The following DLGAP4 variants were observed in gnomAD, a reference collection of about 807,000 sequenced individuals.
The protein encoded by DLGAP4 is DLG associated protein 4, also known as disks large-associated protein 4.
DLGAP4 carries 18 observed loss-of-function variants against 86.9 expected under a neutral mutation model. The observed-to-expected ratio is 0.21, with a 90% CI of 0.14 to 0.31. The LOEUF (loss-of-function observed/expected upper bound fraction) is 0.31, where lower values mean the gene tolerates loss of function less well. Ranked by LOEUF, DLGAP4 falls within the 10% of genes least tolerant of loss-of-function variation. The pLI is 1.00. For synonymous variants in DLGAP4, 548 were observed against 574.3 expected (o/e 0.95, Z 0.65); for missense variants, 1,085 against 1,362.6 (o/e 0.80, Z 3.21).
chr20:36,328,069 C>T (rs1379849397), intron 1 of DLGAP4, among the ~76,000 whole-genome samples: 1 of 151,682 alleles, frequency 6.6e-6, no homozygotes, highest in African/African-American at 2.4e-5. Flanking sequence ...TGTGGTGGTA[C>T]ACGCCTGTAA....
At chr20:36,524,167 TG>T in intron 10 of DLGAP4, 82 bp from the exon 11 acceptor site, 1 of 1,045,586 alleles carries the variant, frequency 9.6e-7, no homozygotes, top group South Asian at 1.3e-5. Flanking sequence ...TAAGGGAGTG[TG>T]GGAGGAGATT....
intron 7 of DLGAP4, among the ~76,000 whole-genome samples, chr20:36,493,948 C>G (rs917362851): frequency 6.6e-6 from 1 of 152,202 alleles, no homozygotes; most frequent in Non-Finnish European, 1.5e-5. Flanking sequence ...CGCAGTTGCT[C>G]CTCTTCGCTG....
In DLGAP4 at chr20:36,461,527, G is replaced by GGCCGCCGCC. The variant is rs746742747; in HGVS notation, c.1648+14600_1648+14608dup. The stretch of plus-strand genomic sequence containing the variant: ...GGGAGGAGGGTGAGTGCCCGCCGCT[G>GGCCGCCGCC]GCCGCCGCCGCCGCCGCCAGTCCGT... On this transcript the variant is annotated intron_variant, in intron 7 of 12. Transcript: ENST00000339266. The GGCCGCCGCC allele has an allele frequency of 2.5e-5, 25 of 982,536 alleles. No homozygotes were observed. In the East Asian group the frequency reaches 6.8e-4, roughly 27 times the overall value. 60.9% of individuals were successfully genotyped at this position (982,536 alleles called of 1,614,324 possible). A position where few individuals can be genotyped will look rare whatever the true frequency, so the allele number is the denominator to read the frequency against.
At chr20:36,438,136 G>T (rs559776890) in intron 4 of DLGAP4, among the ~76,000 whole-genome samples, 42 of 152,242 alleles carry the variant, frequency 2.8e-4, no homozygotes, top group African/African-American at 8.2e-4. Context: ...CACTTTGGGA[G>T]GCCAAGGCAG....
chr20:36,381,681 C>A lies in DLGAP4; in HGVS notation c.-73+14406C>A, dbSNP rs183593118. On this transcript the variant is annotated intron_variant, in intron 2 of 12. Coordinates refer to ENST00000339266, the MANE Select transcript of DLGAP4 (RefSeq NM_001365621.2). ...TCCTGAGAACATTCTGTTCAGGTGT[C>A]CTGGGGTAAGCCCCTTCCCTTCCCC... Among the ~76,000 whole-genome samples the A allele has an allele frequency of 3.9e-5, 6 of 152,268 alleles. No homozygotes were observed. In the East Asian group the frequency reaches 1.2e-3, roughly 29 times the overall value.
rs142250640 is a variant in DLGAP4 at position 36,524,017 on chromosome 20, T to G, written c.2513-233T>G. Among the ~76,000 whole-genome samples the G allele has an allele frequency of 3.7e-4, 56 of 152,322 alleles. No homozygotes were observed. In the East Asian group the frequency reaches 3.9e-3, roughly 10 times the overall value. ...AAAATGTTTTACATTTACACTCAGTTTTCATATTTGTTGCCATAACATATC... is the reference window on the plus strand; with the variant it reads ...AAAATGTTTTACATTTACACTCAGTGTTCATATTTGTTGCCATAACATATC... On this transcript the variant is annotated intron_variant, in intron 10 of 12. Coordinates refer to ENST00000339266, the MANE Select transcript of DLGAP4 (RefSeq NM_001365621.2).
chr20:36,506,274 T>C (rs1010437996), intron 10 of DLGAP4, among the ~76,000 whole-genome samples: 1 of 152,182 alleles, frequency 6.6e-6, no homozygotes, highest in African/African-American at 2.4e-5. Flanking sequence ...TTACTATACT[T>C]AATTCTAGTT....
At chr20:36,470,349 C>G (rs2147660463) in intron 7 of DLGAP4, among the ~76,000 whole-genome samples, 1 of 152,330 alleles carries the variant, frequency 6.6e-6, no homozygotes, top group South Asian at 2.1e-4. Context: ...CTCTCAGAGG[C>G]TGACTGCCTG....
chr20:36,321,137 C>T (rs1274083591), intron 1 of DLGAP4, among the ~76,000 whole-genome samples: 2 of 152,092 alleles, frequency 1.3e-5, no homozygotes, highest in Non-Finnish European at 1.5e-5. Flanking sequence ...GGCACCCATG[C>T]TGGGGTGATG....
chr20:36,520,344 CAT>C (rs927594628), intron 10 of DLGAP4, among the ~76,000 whole-genome samples: 1 of 151,850 alleles, frequency 6.6e-6, no homozygotes, highest in Non-Finnish European at 1.5e-5. Flanking sequence ...TTCATTTCTT[CAT>C]AGTGTCTTTT....
In DLGAP4 at chr20:36,439,756, G is replaced by C; in HGVS notation, c.1244G>C (p.Ser415Thr). 1.9e-6 allele frequency: 3 copies of C among 1,612,878 alleles called. No individual in the cohort carries two copies. Among genetic ancestry groups the C allele is most frequent in the Non-Finnish European group, 2.5e-6 (3 of 1,179,778 alleles). ...SLGEQSNPRR[S>T]LDRLDSVDML... ...GTCTGCTCCCCACTCCCCACCAGGAGTCTGGACCGCCTGGATTCAGTGGAC... is the reference window on the plus strand; with the variant it reads ...GTCTGCTCCCCACTCCCCACCAGGACTCTGGACCGCCTGGATTCAGTGGAC... The change falls in exon 5 of 13, where the codon AGT becomes ACT. Residue 415 changes from serine to threonine, a missense_variant and splice_region_variant. Physicochemically the swap from Ser to Thr is moderately conservative, Grantham distance 58. Around this residue, in one of 2 missense-constraint regions of DLGAP4, gnomAD observed 1,082 missense variants for 1,344.1 expected, o/e 0.81. Coordinates refer to ENST00000339266, the MANE Select transcript of DLGAP4 (RefSeq NM_001365621.2).
chr20:36,499,050 G>A (rs769147993), intron 8 of DLGAP4: 76 of 588,658 alleles, frequency 1.3e-4, no homozygotes, highest in South Asian at 3.2e-4. Context: ...CTGCCGTCCA[G>A]GGTTTGCCCT....
At position 36,432,583 on chromosome 20, in the gene DLGAP4, T is replaced by C. The variant is rs1456134867; in HGVS notation, c.866T>C (p.Val289Ala). Reference sequence around the variant, plus strand: ...GGGGTGGGCACTGACACCAACTACGTCAAACGGGGCTCCTGGTCCACTCTG... The same window carrying C: ...GGGGTGGGCACTGACACCAACTACGCCAAACGGGGCTCCTGGTCCACTCTG... The part of the protein sequence containing the change: ...SLGVGTDTNY[V>A]KRGSWSTLTL... Residue 289 changes from valine (V) to alanine (A), a missense_variant, in exon 3 of 13, where the codon GTC (valine) becomes GCC (alanine). Val to Ala is a moderately conservative substitution (Grantham distance 64, BLOSUM62 0). Around this residue, in one of 2 missense-constraint regions of DLGAP4, gnomAD observed 1,082 missense variants for 1,344.1 expected, o/e 0.81. Coordinates refer to ENST00000339266, the MANE Select transcript of DLGAP4 (RefSeq NM_001365621.2). This position sits in a 1 kb window ranked among gnomAD's most constrained non-coding sequence, Gnocchi z 6.5. 1 of 1,610,114 alleles carries C rather than the reference T, an allele frequency of 6.2e-7. No homozygotes were observed. Among genetic ancestry groups the C allele is most frequent in the Non-Finnish European group, 8.5e-7 (1 of 1,178,884 alleles).
At chr20:36,396,210 C>A (rs1320854589) in intron 2 of DLGAP4, among the ~76,000 whole-genome samples, 3 of 151,888 alleles carry the variant, frequency 2.0e-5, no homozygotes, top group African/African-American at 7.3e-5. Flanking sequence ...TGCCCCTCAG[C>A]ACCGCAGAAG....
chr20:36,515,295 C>T (rs1412153123), intron 10 of DLGAP4, among the ~76,000 whole-genome samples: 1 of 152,176 alleles, frequency 6.6e-6, no homozygotes, highest in African/African-American at 2.4e-5. Flanking sequence ...TTTTCAGAAT[C>T]TCTGTTTGTG....
chr20:36,421,585 G>A (rs1404673642), intron 2 of DLGAP4, among the ~76,000 whole-genome samples: 1 of 152,114 alleles, frequency 6.6e-6, no homozygotes, highest in Non-Finnish European at 1.5e-5. Context: ...GGAGGTGGTA[G>A]GTGGAGGAAC....
At chr20:36,447,362 A>AGG (rs1404928410) in intron 7 of DLGAP4, among the ~76,000 whole-genome samples, 1 of 152,174 alleles carries the variant, frequency 6.6e-6, no homozygotes, top group African/African-American at 2.4e-5. Context: ...GCCTTCTCAA[A>AGG]GGGATGTGTT....
intron 10 of DLGAP4, among the ~76,000 whole-genome samples, chr20:36,511,902 A>C (rs897323248): frequency 6.6e-5 from 10 of 151,286 alleles, no homozygotes; most frequent in Non-Finnish European, 1.5e-4. Flanking sequence ...TGCATAGTCT[A>C]ATTAGTCACA....
intron 7 of DLGAP4, among the ~76,000 whole-genome samples, chr20:36,473,530 G>C (rs1224305843): frequency 6.6e-6 from 1 of 152,108 alleles, no homozygotes; most frequent in East Asian, 1.9e-4. Context: ...GATTAGCTGG[G>C]GTCTCAAGTT....
Sources: gnomAD v4.1 joint callset for allele counts (sites outside exome capture counted in the v4.1 genomes callset) on GRCh38, gnomAD v4.1.1 for gene constraint, gnomAD v4.1.1 regional missense constraint, Gnocchi (gnomAD v3.1) non-coding constraint, MANE v1.5 for transcripts, NCBI Gene and HGNC (gene_info 2026-07-23, HGNC 2026-07-21) for gene names.